Variants in SPAG16 observed in about 807,000 individuals in gnomAD.
The protein encoded by SPAG16 is sperm-associated antigen 16 protein.
Under a neutral mutation model 80.4 loss-of-function variants are expected in SPAG16, and 86 were observed. The ratio of observed to expected loss-of-function variants is 1.07; its 90% CI spans 0.90 to 1.28. SPAG16 has a LOEUF of 1.28. SPAG16 is among the 50% of genes most tolerant of loss of function. SPAG16 has a pLI of 0.00. For missense variants in SPAG16, 870 were observed against 765.3 expected, an observed-to-expected ratio of 1.14 and a Z score of -1.61; for synonymous variants, 294 against 265.9, an observed-to-expected ratio of 1.11 and a Z score of -1.03.
chr2:213,824,374 G>T (rs1354513450), intron 10 of SPAG16, among the ~76,000 whole-genome samples: 3 of 152,136 alleles, frequency 2.0e-5, no homozygotes, highest in African/African-American at 7.2e-5. Flanking sequence ...CATAGTTTGA[G>T]GTCTTAGGTT....
intron 15 of SPAG16, among the ~76,000 whole-genome samples, chr2:214,173,291 G>C (rs986190584): frequency 6.6e-6 from 1 of 152,020 alleles, no homozygotes; most frequent in Non-Finnish European, 1.5e-5. Flanking sequence ...GTGAGGAAGG[G>C]ATCCAGTTTC....
chr2:214,315,854 T>A (rs1204751117), intron 15 of SPAG16, among the ~76,000 whole-genome samples: 3 of 152,180 alleles, frequency 2.0e-5, no homozygotes, highest in African/African-American at 7.2e-5. Flanking sequence ...TTTACCAAAT[T>A]ATGCGTAAGT....
At chr2:213,961,820 C>G (rs1341838205) in intron 12 of SPAG16, among the ~76,000 whole-genome samples, 3 of 151,922 alleles carry the variant, frequency 2.0e-5, no homozygotes, top group Admixed American at 1.3e-4. Context: ...TGATATTTAT[C>G]AGCAGTTTTG....
chr2:213,356,319 A>G (rs2125077755), intron 7 of SPAG16, among the ~76,000 whole-genome samples: 1 of 152,324 alleles, frequency 6.6e-6, no homozygotes, highest in African/African-American at 2.4e-5. Context: ...TTCAGAAGGA[A>G]TGGTACCAGC....
intron 15 of SPAG16, among the ~76,000 whole-genome samples, chr2:214,368,008 G>A (rs1699591930): frequency 1.3e-5 from 2 of 152,102 alleles, no homozygotes; most frequent in Non-Finnish European, 2.9e-5. Context: ...AGACATGGTG[G>A]TTAGAAAAAA....
chr2:214,005,265 G>C (rs1040093697), intron 12 of SPAG16, among the ~76,000 whole-genome samples: 3 of 152,206 alleles, frequency 2.0e-5, no homozygotes, highest in Admixed American at 6.5e-5. Context: ...ATTTAACAAG[G>C]CTGAGTGAGG....
At chr2:214,120,650 C>A (rs2054177506) in intron 14 of SPAG16, among the ~76,000 whole-genome samples, 1 of 151,790 alleles carries the variant, frequency 6.6e-6, no homozygotes, top group African/African-American at 2.4e-5. Flanking sequence ...ATGTTCTCCT[C>A]TCTTGAGCCC....
chr2:213,318,129 T>G (rs1352285397), intron 5 of SPAG16, among the ~76,000 whole-genome samples: 1 of 152,042 alleles, frequency 6.6e-6, no homozygotes, highest in Non-Finnish European at 1.5e-5. Context: ...GATATCTCAT[T>G]GTGGTTTTGA....
intron 10 of SPAG16, among the ~76,000 whole-genome samples, chr2:213,556,847 A>G (rs992864821): frequency 4.6e-5 from 7 of 152,170 alleles, no homozygotes; most frequent in African/African-American, 1.7e-4. Context: ...ATGCTAGGCT[A>G]CAAAATAAGT....
At chr2:213,456,592 A>T (rs976984779) in intron 9 of SPAG16, among the ~76,000 whole-genome samples, 1 of 151,990 alleles carries the variant, frequency 6.6e-6, no homozygotes, top group Non-Finnish European at 1.5e-5. Flanking sequence ...TATTTCTTAA[A>T]TAATTTTGTC....
At chr2:213,653,610 AC>A (rs1331184801) in intron 10 of SPAG16, among the ~76,000 whole-genome samples, 1 of 152,206 alleles carries the variant, frequency 6.6e-6, no homozygotes, top group Non-Finnish European at 1.5e-5. Flanking sequence ...ATTGAGCAAA[AC>A]CTATATTTGA....
At chr2:214,241,066 A>G (rs537272410) in intron 15 of SPAG16, 4 of 152,208 alleles carry the variant, frequency 2.6e-5, no homozygotes, top group Middle Eastern at 3.4e-3. Flanking sequence ...TAAAAAAATG[A>G]AGCTGACCAG....
At chr2:213,671,979 C>T (rs1190091392) in intron 10 of SPAG16, among the ~76,000 whole-genome samples, 1 of 152,140 alleles carries the variant, frequency 6.6e-6, no homozygotes, top group Admixed American at 6.5e-5. Flanking sequence ...TATTATGCAT[C>T]ATCAGCACAT....
intron 9 of SPAG16, among the ~76,000 whole-genome samples, chr2:213,418,307 A>G (rs968539684): frequency 6.6e-6 from 1 of 152,206 alleles, no homozygotes; most frequent in African/African-American, 2.4e-5. Flanking sequence ...ACCCACAAAC[A>G]TACACACATT....
intron 15 of SPAG16, among the ~76,000 whole-genome samples, chr2:214,262,916 T>C (rs1691283013): frequency 6.6e-6 from 1 of 152,130 alleles, no homozygotes; most frequent in South Asian, 2.1e-4. Flanking sequence ...CATTTTATTT[T>C]ATTTTATTTT....
intron 10 of SPAG16, among the ~76,000 whole-genome samples, chr2:213,835,366 T>C (rs2074017256): frequency 6.6e-6 from 1 of 152,152 alleles, no homozygotes; most frequent in Non-Finnish European, 1.5e-5. Flanking sequence ...ATATAATAAA[T>C]GTTAAATCAC....
chr2:213,937,929 C>A (rs1266806105), intron 12 of SPAG16, among the ~76,000 whole-genome samples: 2 of 151,888 alleles, frequency 1.3e-5, no homozygotes, highest in African/African-American at 4.8e-5. Context: ...TTTTAAAATT[C>A]ATCCCTATTC....
chr2:213,639,291 G>C (rs956862250), intron 10 of SPAG16, among the ~76,000 whole-genome samples: 96 of 152,078 alleles, frequency 6.3e-4, no homozygotes, highest in Middle Eastern at 3.2e-3. Flanking sequence ...GCCATTTGTT[G>C]CCTGAATACC....
intron 10 of SPAG16, among the ~76,000 whole-genome samples, chr2:213,557,324 G>A (rs2059455911): frequency 6.6e-6 from 1 of 151,900 alleles, no homozygotes; most frequent in African/African-American, 2.4e-5. Flanking sequence ...TCTGTTTCCT[G>A]CAATTTTATA....
Sources: allele counts gnomAD v4.1 joint callset (sites outside exome capture counted in the v4.1 genomes callset), GRCh38; gene constraint gnomAD v4.1.1; transcripts MANE v1.5; gene names NCBI Gene and HGNC (gene_info 2026-07-23, HGNC 2026-07-21).